MSH4: variants seen among roughly 807,000 people sequenced by gnomAD.
The protein encoded by MSH4 is mutS homolog 4.
MSH4 carries 106 observed loss-of-function variants against 113.7 expected under a neutral mutation model. The observed-to-expected ratio is 0.93, with a 90% confidence interval of 0.80 to 1.10. The LOEUF (loss-of-function observed/expected upper bound fraction) is 1.10. Among genes scored for constraint, MSH4 ranks in the 50% least tolerant of loss-of-function variants. The pLI, the probability that MSH4 is intolerant of heterozygous loss-of-function variation, is 0.00. For synonymous variants in MSH4, 368 were observed against 380.2 expected, an observed-to-expected ratio of 0.97 and a Z score of 0.37; for missense variants, 1,061 against 1,093.7, an observed-to-expected ratio of 0.97 and a Z score of 0.42.
rs1407664481 is a variant in MSH4, at chr1:75,797,199, T to C, written c.214T>C (p.Cys72Arg). ...GAGCAGCAGCAGCAGCAGCCTTCCC[T>C]GCCCCGCGCCAAACTCCCGGCCAGC... ...DRSSSSSSLP[C>R]PAPNSRPAQG... Residue 72 changes from cysteine to arginine, a missense_variant, in exon 1 of 20, where the codon TGC becomes CGC. By Grantham distance (180) the Cys-to-Arg change is radical. Coordinates refer to ENST00000263187, the MANE Select transcript of MSH4 (RefSeq NM_002440.4). The C allele has an allele frequency of 2.5e-6, 4 of 1,606,912 alleles. No individual in the cohort carries two copies. The highest frequency in any genetic ancestry group is 4.5e-5 in the East Asian group (2 of 44,688).
intron 1 of MSH4, among the ~76,000 whole-genome samples, chr1:75,800,916 G>A (rs1144328): frequency 0.92 from 140,620 of 152,246 alleles, 65,224 homozygotes; most frequent in African/African-American, 0.97. Flanking sequence ...TGGCTTTTGA[G>A]CATTTGAAAA....
At chr1:75,803,083 C>T (rs1405306593) in intron 1 of MSH4, among the ~76,000 whole-genome samples, 2 of 152,176 alleles carry the variant, frequency 1.3e-5, no homozygotes, top group Non-Finnish European at 2.9e-5. Flanking sequence ...TGTCCTGCCA[C>T]ACTTCACTGG....
At chr1:75,857,436 A>G (rs929087330) in intron 8 of MSH4, among the ~76,000 whole-genome samples, 6 of 152,050 alleles carry the variant, frequency 3.9e-5, no homozygotes, top group African/African-American at 4.8e-5. Context: ...ACATTTAAGT[A>G]TTTGATCCAT....
In MSH4 at chr1:75,902,887, ATTGAG is replaced by A. The variant is rs1263718897; in HGVS notation, c.2619+3189_2619+3193del. On this transcript the variant is annotated intron_variant, in intron 19 of 19. Transcript: ENST00000263187. ...GTTTATTTGGTGGGATTTTTTTGCT[ATTGAG>A]TTGAGTTACTTAGATGTTTTGGTTA... Among the ~76,000 whole-genome samples, 17 of 150,168 alleles carry A rather than the reference ATTGAG, an allele frequency of 1.1e-4. No individual in the cohort carries two copies. The East Asian group carries it at 2.8e-3, about 25-fold the overall frequency.
chr1:75,897,775 A>G, intron 17 of MSH4, 132 bp from the exon 18 acceptor site: 1 of 459,674 alleles, frequency 2.2e-6, no homozygotes, highest in East Asian at 3.5e-5. Flanking sequence ...CCTCCAAATT[A>G]TTAGTTTTAT....
intron 9 of MSH4, among the ~76,000 whole-genome samples, chr1:75,868,797 C>T (rs779176347): frequency 6.6e-5 from 10 of 152,300 alleles, no homozygotes; most frequent in Non-Finnish European, 1.5e-4. Context: ...TAACTTTGCT[C>T]CTGATTTACC....
intron 1 of MSH4, among the ~76,000 whole-genome samples, chr1:75,801,907 G>A (rs772316770): frequency 9.9e-5 from 15 of 151,974 alleles, no homozygotes; most frequent in Non-Finnish European, 1.9e-4. Flanking sequence ...GGTGGCTCCC[G>A]ATTATAATCC....
chr1:75,870,438 A>G (rs1651686201), intron 9 of MSH4, among the ~76,000 whole-genome samples: 1 of 152,180 alleles, frequency 6.6e-6, no homozygotes. Flanking sequence ...GGCTAGGGGC[A>G]GAATTATATG....
Position 75,890,685 on chromosome 1 carries a change from A to G in MSH4, c.2227-11A>G. ...GTTACAATGAATAAATATTAAAATT[A>G]TATATTTCAGATAGCATATATTCTA... On this transcript the variant is annotated splice_polypyrimidine_tract_variant and intron_variant, in intron 16 of 19. Coordinates refer to ENST00000263187, the MANE Select transcript of MSH4 (RefSeq NM_002440.4). 5 of 1,383,510 alleles carry G rather than the reference A, an allele frequency of 3.6e-6. No individual in the cohort carries two copies. Among genetic ancestry groups the G allele is most frequent in the East Asian group, 2.5e-5 (1 of 40,576 alleles). The allele number at this position is 1,383,510 out of a possible 1,614,324, so 85.7% of individuals were successfully genotyped here.
intron 9 of MSH4, among the ~76,000 whole-genome samples, chr1:75,874,301 G>C (rs996892938): frequency 6.6e-6 from 1 of 152,020 alleles, no homozygotes; most frequent in Admixed American, 6.6e-5. Flanking sequence ...CTTGAACAGC[G>C]TGCTAGCATC....
At chr1:75,895,749 C>T (rs992938858) in intron 17 of MSH4, among the ~76,000 whole-genome samples, 4 of 152,124 alleles carry the variant, frequency 2.6e-5, no homozygotes, top group Non-Finnish European at 2.9e-5. Flanking sequence ...GAACATCACT[C>T]AGTGACGTTA....
At chr1:75,817,592 G>A (rs560566349) in intron 6 of MSH4, among the ~76,000 whole-genome samples, 2 of 152,286 alleles carry the variant, frequency 1.3e-5, no homozygotes, top group African/African-American at 4.8e-5. Flanking sequence ...ATAGTTGAAA[G>A]GAACAATTGA....
At chr1:75,798,139 AT>A (rs569209606) in intron 1 of MSH4, among the ~76,000 whole-genome samples, 5 of 151,976 alleles carry the variant, frequency 3.3e-5, no homozygotes, top group Non-Finnish European at 7.4e-5. Flanking sequence ...TAATTTCTTT[AT>A]TTTTAGAAAC....
intron 8 of MSH4, among the ~76,000 whole-genome samples, chr1:75,850,983 A>G (rs923238521): frequency 2.0e-5 from 3 of 152,108 alleles, no homozygotes; most frequent in Non-Finnish European, 4.4e-5. Flanking sequence ...ACTGCATCTA[A>G]TATTAATATA....
At chr1:75,812,372 T>A (rs1249645987) in intron 4 of MSH4, among the ~76,000 whole-genome samples, 1 of 151,978 alleles carries the variant, frequency 6.6e-6, no homozygotes, top group Non-Finnish European at 1.5e-5. Context: ...ACAAGCTCAG[T>A]AGAGTCAGGG....
At chr1:75,882,976 A>G (rs932393323) in intron 14 of MSH4, among the ~76,000 whole-genome samples, 1 of 152,040 alleles carries the variant, frequency 6.6e-6, no homozygotes, top group African/African-American at 2.4e-5. Context: ...TTAAAGTACA[A>G]TCAATGAGTA....
intron 19 of MSH4, among the ~76,000 whole-genome samples, chr1:75,905,737 G>T (rs545407024): frequency 6.6e-6 from 1 of 152,046 alleles, no homozygotes; most frequent in South Asian, 2.1e-4. Flanking sequence ...TCCACTGTTG[G>T]GTGAATATAT....
intron 7 of MSH4, among the ~76,000 whole-genome samples, chr1:75,842,248 G>T (rs759963239): frequency 6.6e-6 from 1 of 152,192 alleles, no homozygotes; most frequent in Non-Finnish European, 1.5e-5. Flanking sequence ...TGGGGACCAA[G>T]TTTTATTGTG....
intron 8 of MSH4, among the ~76,000 whole-genome samples, chr1:75,851,127 A>G (rs1651177337): frequency 6.6e-6 from 1 of 152,090 alleles, no homozygotes; most frequent in African/African-American, 2.4e-5. Context: ...AACTTTTTGC[A>G]TACAATCAGA....
Sources: allele counts gnomAD v4.1 joint callset (sites outside exome capture counted in the v4.1 genomes callset), GRCh38; gene constraint gnomAD v4.1.1; transcripts MANE v1.5; gene names NCBI Gene and HGNC (gene_info 2026-07-23, HGNC 2026-07-21).